The following ACP7 variants were observed in gnomAD, a reference collection of about 807,000 sequenced individuals.
ACP7 encodes the protein acid phosphatase type 7.
Under a neutral mutation model 60.6 loss-of-function variants are expected in ACP7, and 58 were observed. The ratio of observed to expected loss-of-function variants is 0.96; its 90% CI spans 0.77 to 1.19. The LOEUF (loss-of-function observed/expected upper bound fraction) is 1.19. Ranked by LOEUF, ACP7 falls within the 50% of genes most tolerant of loss-of-function variation. The probability of loss-of-function intolerance (pLI) is 0.00; values close to 1 mark genes in which losing one functional copy is unlikely to be tolerated. For synonymous variants in ACP7, 237 were observed against 232.6 expected (o/e 1.02, Z -0.17); for missense variants, 574 against 596.2 (o/e 0.96, Z 0.39).
In ACP7 at chr19:39,098,918, G is replaced by A. The variant is rs751934838; in HGVS notation, c.323-42G>A. On this transcript the variant is annotated intron_variant, in intron 3 of 12. Transcript: ENST00000331256. Reference sequence around the variant, plus strand: ...AGGATGGGGTTGGAGGGAGGGTCCCGGGGCGCCCCAGCTGACTGCGACCTT... The same window carrying A: ...AGGATGGGGTTGGAGGGAGGGTCCCAGGGCGCCCCAGCTGACTGCGACCTT... 3.2e-6 allele frequency: 5 copies of A among 1,551,082 alleles called. No individual in the cohort carries two copies. The African/African-American group carries it at 4.1e-5, about 13-fold the overall frequency.
At chr19:39,102,860 G>T (rs539882705) in intron 11 of ACP7, among the ~76,000 whole-genome samples, 2 of 139,156 alleles carry the variant, frequency 1.4e-5, no homozygotes, top group African/African-American at 5.4e-5. Flanking sequence ...TTTTTGAGAC[G>T]GAGTTTCACT....
chr19:39,106,239 G>GAA (rs1221571902), intron 11 of ACP7, among the ~76,000 whole-genome samples: 2 of 152,206 alleles, frequency 1.3e-5, no homozygotes, highest in African/African-American at 4.8e-5. Flanking sequence ...CCAGGCTTCA[G>GAA]ATCCAGTGAT....
Position 39,110,447 on chromosome 19 carries a change from G to A in ACP7, c.*329G>A. 4.0e-6 allele frequency: 1 copy of A among 252,268 alleles called. No individual in the cohort carries two copies. Among genetic ancestry groups the A allele is most frequent in the Non-Finnish European group, 7.6e-6 (1 of 131,210 alleles). The allele number at this position is 252,268 out of a possible 1,614,324, so 15.6% of individuals were successfully genotyped here. On this transcript the variant is annotated 3_prime_UTR_variant, in exon 13 of 13. Coordinates refer to ENST00000331256, the MANE Select transcript of ACP7 (RefSeq NM_001004318.3). ...CAGGAATGAAGAGGCTTAAGCTCTG[G>A]CTCCATGGATTCTGCACATCTGCGG...
chr19:39,086,240 AT>A (rs1413276061), intron 2 of ACP7, among the ~76,000 whole-genome samples: 1 of 152,034 alleles, frequency 6.6e-6, no homozygotes, highest in Non-Finnish European at 1.5e-5. Flanking sequence ...AGGTGGGAGG[AT>A]CGCTTGAGCC....
chr19:39,105,693 G>C (rs1277028976), intron 11 of ACP7, among the ~76,000 whole-genome samples: 1 of 151,826 alleles, frequency 6.6e-6, no homozygotes, highest in Admixed American at 6.6e-5. Context: ...GCTAATTTTT[G>C]TATTGACAGG....
intron 12 of ACP7, among the ~76,000 whole-genome samples, chr19:39,109,830 A>T (rs981442593): frequency 1.3e-5 from 2 of 152,074 alleles, no homozygotes; most frequent in African/African-American, 4.8e-5. Context: ...GGCTCTGTTT[A>T]CAAATACTAT....
intron 2 of ACP7, among the ~76,000 whole-genome samples, chr19:39,097,152 A>G (rs563543233): frequency 6.6e-6 from 1 of 152,264 alleles, no homozygotes; most frequent in African/African-American, 2.4e-5. Context: ...GAAAGAAGCA[A>G]AAGTGGAAAC....
intron 12 of ACP7, among the ~76,000 whole-genome samples, chr19:39,109,443 G>A (rs1398960307): frequency 1.3e-5 from 2 of 152,066 alleles, no homozygotes; most frequent in Non-Finnish European, 2.9e-5. Flanking sequence ...CGCTGGCCAG[G>A]TGCAGCAGCT....
intron 2 of ACP7, among the ~76,000 whole-genome samples, chr19:39,087,307 C>G (rs1475595175): frequency 6.6e-6 from 1 of 152,030 alleles, no homozygotes; most frequent in Non-Finnish European, 1.5e-5. Context: ...CCACCGCGCC[C>G]CGCCTAAAAT....
At chr19:39,091,868 A>G (rs1322495587) in intron 2 of ACP7, among the ~76,000 whole-genome samples, 1 of 151,858 alleles carries the variant, frequency 6.6e-6, no homozygotes, top group Non-Finnish European at 1.5e-5. Flanking sequence ...CCAAGATCAC[A>G]CCACTGTCCC....
chr19:39,084,859 C>T (rs1324297685), intron 1 of ACP7, among the ~76,000 whole-genome samples: 2 of 152,054 alleles, frequency 1.3e-5, no homozygotes, highest in East Asian at 1.9e-4. Context: ...ATCAGGCCCT[C>T]CTGGGTTCAA....
chr19:39,101,144 GC>G lies in ACP7; in HGVS notation c.916-3del. On this transcript the variant is annotated splice_polypyrimidine_tract_variant and splice_region_variant and intron_variant, in intron 8 of 12. Coordinates refer to ENST00000331256, the MANE Select transcript of ACP7 (RefSeq NM_001004318.3). ...TCACCCTCACCCGCTCATTCACCCT[GC>G]CCAGGTCCGCAAAGGCCTCCAAGGC... 1 of 1,614,036 alleles carries G rather than the reference GC, an allele frequency of 6.2e-7. No individual in the cohort carries two copies. The highest frequency in any genetic ancestry group is 8.5e-7 in the Non-Finnish European group (1 of 1,180,026).
intron 11 of ACP7, among the ~76,000 whole-genome samples, chr19:39,106,527 T>A (rs1001193563): frequency 6.6e-6 from 1 of 152,142 alleles, no homozygotes; most frequent in Admixed American, 6.5e-5. Context: ...CAAGTCTTTT[T>A]GTTTTTGTTT....
chr19:39,093,507 G>A (rs1387651318), intron 2 of ACP7, among the ~76,000 whole-genome samples: 3 of 152,004 alleles, frequency 2.0e-5, no homozygotes, highest in Admixed American at 2.0e-4. Flanking sequence ...ACCTTCCTGA[G>A]CCTCCCAAAG....
At chr19:39,105,599 C>T (rs1240891336) in intron 11 of ACP7, among the ~76,000 whole-genome samples, 1 of 152,098 alleles carries the variant, frequency 6.6e-6, no homozygotes, top group Non-Finnish European at 1.5e-5. Context: ...CGGCTCACTA[C>T]AGCCTGGACC....
chr19:39,087,764 T>A (rs568982499), intron 2 of ACP7, among the ~76,000 whole-genome samples: 2 of 151,840 alleles, frequency 1.3e-5, no homozygotes, highest in East Asian at 1.9e-4. Flanking sequence ...CTCCCAAGTA[T>A]CTGGGATTAC....
At chr19:39,103,441 G>GTGTTTT (rs1230916229) in intron 11 of ACP7, among the ~76,000 whole-genome samples, 1,572 of 64,834 alleles carry the variant, frequency 0.024, 171 homozygotes, top group Non-Finnish European at 0.033. Flanking sequence ...ATCATCATGT[G>GTGTTTT]TTTTTTTTTT....
At chr19:39,090,875 T>G (rs1490284384) in intron 2 of ACP7, among the ~76,000 whole-genome samples, 1 of 151,598 alleles carries the variant, frequency 6.6e-6, no homozygotes, top group Non-Finnish European at 1.5e-5. Context: ...AAGAAAGAGC[T>G]GTCCCTCCCT....
intron 11 of ACP7, among the ~76,000 whole-genome samples, chr19:39,106,189 T>G (rs1318302869): frequency 6.6e-6 from 1 of 152,210 alleles, no homozygotes; most frequent in Non-Finnish European, 1.5e-5. Context: ...CCCCAGGCGC[T>G]GTTGTTTTAA....
Sources: gnomAD v4.1 joint callset for allele counts (sites outside exome capture counted in the v4.1 genomes callset) on GRCh38, gnomAD v4.1.1 for gene constraint, MANE v1.5 for transcripts, NCBI Gene and HGNC (gene_info 2026-07-23, HGNC 2026-07-21) for gene names.